Variants in PRKCE observed in about 807,000 individuals in gnomAD.
The protein encoded by PRKCE is protein kinase C epsilon.
PRKCE carries 16 observed loss-of-function variants against 85.4 expected under a neutral mutation model. That is an observed-to-expected ratio of 0.19 (90% CI 0.13 to 0.28). PRKCE has a LOEUF of 0.28. PRKCE is among the 10% of genes least tolerant of loss of function. The pLI is 1.00. For synonymous variants in PRKCE, 388 were observed against 371.5 expected, an observed-to-expected ratio of 1.04 and a Z score of -0.51; for missense variants, 573 against 975.2, an observed-to-expected ratio of 0.59 and a Z score of 5.49.
chr2:45,770,728 T>C (rs4446102), intron 1 of PRKCE: 41,666 of 152,180 alleles, frequency 0.27, 6,016 homozygotes, highest in Admixed American at 0.32. Flanking sequence ...TCTCTCAACC[T>C]GCAGGTCACC....
At chr2:45,961,331 A>G (rs1422121735) in intron 2 of PRKCE, among the ~76,000 whole-genome samples, 1 of 152,166 alleles carries the variant, frequency 6.6e-6, no homozygotes, top group Non-Finnish European at 1.5e-5. Flanking sequence ...TTTACCTATT[A>G]CCTCTTGAAT....
chr2:45,816,329 C>G (rs1372258260), intron 1 of PRKCE, among the ~76,000 whole-genome samples: 5 of 152,022 alleles, frequency 3.3e-5, no homozygotes, highest in Admixed American at 1.3e-4. Context: ...TGTTCACTAC[C>G]CCCTGGAGTG....
intron 2 of PRKCE, among the ~76,000 whole-genome samples, chr2:45,866,811 A>G (rs899874971): frequency 2.0e-5 from 3 of 152,232 alleles, no homozygotes; most frequent in Non-Finnish European, 1.5e-5. Flanking sequence ...CACAGTGCAG[A>G]TCTAGCACAT....
At chr2:45,849,684 T>A (rs776404498) in intron 2 of PRKCE, among the ~76,000 whole-genome samples, 4 of 152,096 alleles carry the variant, frequency 2.6e-5, no homozygotes, top group Non-Finnish European at 4.4e-5. Flanking sequence ...CATGGACATG[T>A]CAAATCCCCT....
intron 14 of PRKCE, among the ~76,000 whole-genome samples, chr2:46,172,625 T>C (rs907809345): frequency 2.6e-5 from 4 of 152,220 alleles, no homozygotes; most frequent in Non-Finnish European, 4.4e-5. Flanking sequence ...TTTGAGACTA[T>C]TGACTTCACC....
At chr2:45,849,232 A>G (rs1045374074) in intron 2 of PRKCE, among the ~76,000 whole-genome samples, 50 of 152,166 alleles carry the variant, frequency 3.3e-4, no homozygotes, top group African/African-American at 1.2e-3. Flanking sequence ...ATGACCTACA[A>G]TGGGAAGGAG....
intron 1 of PRKCE, among the ~76,000 whole-genome samples, chr2:45,751,845 G>T (rs56072263): frequency 0.6 from 69,445 of 115,348 alleles, 21,594 homozygotes; most frequent in African/African-American, 0.76. Context: ...TGAGACGGAG[G>T]CTCGCTCTGT....
rs572119208 is a variant in PRKCE at position 45,811,656 on chromosome 2, C to T, written c.349-31344C>T. Among the ~76,000 whole-genome samples, 14 of 152,150 alleles carry T rather than the reference C, an allele frequency of 9.2e-5. No homozygotes were observed. The South Asian group carries it at 2.3e-3, about 25-fold the overall frequency. ...AAAAACACTGAAGTTGATCTGAGGC[C>T]GGGAAAAGGGTAATGTTTATAAATA... On this transcript the variant is annotated intron_variant, in intron 1 of 14. Transcript: ENST00000306156.
chr2:45,831,905 C>T (rs993843725), intron 1 of PRKCE, among the ~76,000 whole-genome samples: 9 of 50,472 alleles, frequency 1.8e-4, no homozygotes, highest in African/African-American at 4.6e-4. Context: ...ATATATAACC[C>T]AAATGAAACT....
At chr2:46,083,994 C>T (rs1371538668) in intron 10 of PRKCE, among the ~76,000 whole-genome samples, 1 of 152,218 alleles carries the variant, frequency 6.6e-6, no homozygotes, top group Non-Finnish European at 1.5e-5. Context: ...CAGGCCCCCA[C>T]CCTCAGAAAT....
chr2:45,812,836 C>A (rs1375283443), intron 1 of PRKCE, among the ~76,000 whole-genome samples: 2 of 152,158 alleles, frequency 1.3e-5, no homozygotes, highest in Non-Finnish European at 2.9e-5. Flanking sequence ...CACTTAAAAT[C>A]TAGTTGAGGA....
rs140947862 is a variant in PRKCE at position 45,785,004 on chromosome 2, T to A, written c.349-57996T>A. On this transcript the variant is annotated intron_variant, in intron 1 of 14. Coordinates refer to ENST00000306156, the MANE Select transcript of PRKCE (RefSeq NM_005400.3). ...TTTTCTTTCAGTCCTTCTCATCAAA[T>A]CAAAGAGAAACTCTCAGCTTAGGGC... Among the ~76,000 whole-genome samples the A allele has an allele frequency of 3.3e-5, 5 of 152,330 alleles. No homozygotes were observed. The East Asian group carries it at 9.6e-4, about 29-fold the overall frequency.
intron 2 of PRKCE, among the ~76,000 whole-genome samples, chr2:45,956,843 C>G (rs1442751026): frequency 6.6e-6 from 1 of 152,208 alleles, no homozygotes. Flanking sequence ...CATTAGCATT[C>G]TAATAGATAT....
chr2:45,951,020 C>T (rs912984938), intron 2 of PRKCE, among the ~76,000 whole-genome samples: 5 of 152,214 alleles, frequency 3.3e-5, no homozygotes, highest in African/African-American at 1.2e-4. Context: ...CATCCCCAGT[C>T]ATGACTGTGA....
intron 1 of PRKCE, among the ~76,000 whole-genome samples, chr2:45,675,900 C>T (rs1676421472): frequency 6.6e-6 from 1 of 152,140 alleles, no homozygotes; most frequent in Non-Finnish European, 1.5e-5. Flanking sequence ...TGAACTTTGG[C>T]TGTGGAAGCG....
chr2:46,005,589 G>T (rs1411605575), intron 8 of PRKCE, among the ~76,000 whole-genome samples: 1 of 152,082 alleles, frequency 6.6e-6, no homozygotes, highest in African/African-American at 2.4e-5. Flanking sequence ...AGTGGTAAGG[G>T]CAAGACTGTA....
chr2:46,069,472 G>A (rs1667892242), intron 10 of PRKCE, among the ~76,000 whole-genome samples: 1 of 152,124 alleles, frequency 6.6e-6, no homozygotes, highest in African/African-American at 2.4e-5. Flanking sequence ...GGTACTTAGA[G>A]TTTAGAACAT....
At chr2:45,819,660 G>A (rs915837987) in intron 1 of PRKCE, among the ~76,000 whole-genome samples, 2 of 152,202 alleles carry the variant, frequency 1.3e-5, no homozygotes, top group African/African-American at 4.8e-5. Flanking sequence ...GGAGGTGAAA[G>A]GACTGAGGCC....
intron 10 of PRKCE, among the ~76,000 whole-genome samples, chr2:46,081,415 C>T (rs1293981465): frequency 6.6e-6 from 1 of 152,224 alleles, no homozygotes; most frequent in East Asian, 1.9e-4. Context: ...TAAAAAACAG[C>T]AAGCCAGAGT....
Sources: gnomAD v4.1 joint callset for allele counts (sites outside exome capture counted in the v4.1 genomes callset) on GRCh38, gnomAD v4.1.1 for gene constraint, MANE v1.5 for transcripts, NCBI Gene and HGNC (gene_info 2026-07-23, HGNC 2026-07-21) for gene names.